The following TRPM3 variants were observed in gnomAD, a reference collection of about 807,000 sequenced individuals.
TRPM3 encodes the protein long transient receptor potential channel 3.
In TRPM3, 77 loss-of-function variants were observed where a neutral mutation model predicts 181.2. That is an observed-to-expected ratio of 0.42 (90% CI 0.35 to 0.51). TRPM3 has a LOEUF of 0.51. TRPM3 is among the 20% of genes least tolerant of loss of function. The pLI is 0.01. For synonymous variants in TRPM3, 745 were observed against 796.4 expected (o/e 0.94, Z 1.09); for missense variants, 1,759 against 2,196.7 (o/e 0.80, Z 3.98).
Position 70,781,346 on chromosome 9 carries a change from A to AAAAAAAAAAAAAAAAAAAG in TRPM3, c.1148+2758_1148+2759insCTTTTTTTTTTTTTTTTTT, listed in dbSNP as rs1564254422. Among the ~76,000 whole-genome samples, 4 of 147,514 alleles carry AAAAAAAAAAAAAAAAAAAG rather than the reference A, an allele frequency of 2.7e-5. No individual in the cohort carries two copies. In the South Asian group the frequency reaches 6.6e-4, roughly 24 times the overall value. ...TTTCATAAAAAAAAAAAAAAAAAAA[A>AAAAAAAAAAAAAAAAAAAG]AAAGAAAACATGATATTTTTGACTC... On this transcript the variant is annotated intron_variant, in intron 7 of 25. Transcript: ENST00000677713.
chr9:71,298,087 G>GC (rs2086447898), intron 1 of TRPM3, among the ~76,000 whole-genome samples: 1 of 146,000 alleles, frequency 6.8e-6, no homozygotes, highest in African/African-American at 2.5e-5. Flanking sequence ...AGTAAACTCT[G>GC]CCACCAGAAA....
At position 71,393,587 on chromosome 9, in the gene TRPM3, G is replaced by A. The variant is rs906077225; in HGVS notation, c.183+53066C>T. Among the ~76,000 whole-genome samples the A allele has an allele frequency of 2.0e-5, 3 of 152,156 alleles. No homozygotes were observed. In the South Asian group the frequency reaches 6.2e-4, roughly 32 times the overall value. On this transcript the variant is annotated intron_variant, in intron 1 of 24. Coordinates refer to the TRPM3 transcript ENST00000357533. ...TTTCCCATTGTGAACCAAGCCAGTC[G>A]TGTCTGCAAAGAGACTTGTCTCTAG...
chr9:71,358,893 T>A (rs1438641249), intron 1 of TRPM3, among the ~76,000 whole-genome samples: 6 of 152,214 alleles, frequency 3.9e-5, no homozygotes, highest in African/African-American at 1.4e-4. Flanking sequence ...GTGTAGCCTA[T>A]AATTTCCAAA....
At chr9:70,836,515 T>G (rs2094334882) in intron 5 of TRPM3, among the ~76,000 whole-genome samples, 1 of 152,216 alleles carries the variant, frequency 6.6e-6, no homozygotes, top group Admixed American at 6.5e-5. Flanking sequence ...TCCATCTTGA[T>G]GAAATGGATG....
intron 1 of TRPM3, among the ~76,000 whole-genome samples, chr9:71,101,068 G>T (rs978302714): frequency 1.3e-5 from 2 of 151,974 alleles, no homozygotes; most frequent in Non-Finnish European, 1.5e-5. Flanking sequence ...CACACCAGAT[G>T]CCCACCTGCT....
At chr9:70,543,140 T>C (rs986975044) in intron 25 of TRPM3, among the ~76,000 whole-genome samples, 1 of 152,218 alleles carries the variant, frequency 6.6e-6, no homozygotes, top group African/African-American at 2.4e-5. Context: ...TCCTAAGTCA[T>C]TTCTCTCTGC....
intron 1 of TRPM3, among the ~76,000 whole-genome samples, chr9:71,408,439 G>C (rs1355095593): frequency 6.6e-6 from 1 of 152,152 alleles, no homozygotes. Flanking sequence ...ACCATGGCAC[G>C]AGAACTACGT....
At chr9:71,178,459 CATT>C (rs1304309639) in intron 1 of TRPM3, among the ~76,000 whole-genome samples, 1 of 152,032 alleles carries the variant, frequency 6.6e-6, no homozygotes, top group Non-Finnish European at 1.5e-5. Context: ...TCAAACTCAT[CATT>C]GTTTATTATT....
At chr9:70,921,446 G>A (rs934469114) in intron 1 of TRPM3, among the ~76,000 whole-genome samples, 2 of 152,178 alleles carry the variant, frequency 1.3e-5, no homozygotes, top group Non-Finnish European at 2.9e-5. Flanking sequence ...CTACAAACTA[G>A]TGCTATTAGC....
At chr9:70,857,177 G>T (rs1258665748) in intron 3 of TRPM3, among the ~76,000 whole-genome samples, 1 of 152,122 alleles carries the variant, frequency 6.6e-6, no homozygotes, top group Non-Finnish European at 1.5e-5. Context: ...TGAGTGAACT[G>T]CAGGGTCTTC....
intron 1 of TRPM3, among the ~76,000 whole-genome samples, chr9:71,005,037 A>G (rs1259153821): frequency 6.6e-6 from 1 of 152,216 alleles, no homozygotes; most frequent in Non-Finnish European, 1.5e-5. Flanking sequence ...GAGATGAGAG[A>G]GAACAAGGCT....
rs1175217485 is a variant in TRPM3 at position 70,889,946 on chromosome 9, CTATA to C, written c.178-25439_178-25436del. On this transcript the variant is annotated intron_variant, in intron 1 of 25. Transcript: ENST00000677713. Reference sequence around the variant, plus strand: ...ATATATGTAGTATATATGCTATATACTATATATAACATACTATAAAATATAAATA... The same window carrying C: ...ATATATGTAGTATATATGCTATATACTATAACATACTATAAAATATAAATA... Among the ~76,000 whole-genome samples, 9 of 147,698 alleles carry C rather than the reference CTATA, an allele frequency of 6.1e-5. No homozygotes were observed. In the South Asian group the frequency reaches 1.7e-3, roughly 28 times the overall value.
At chr9:70,828,583 G>C (rs2093694270) in intron 5 of TRPM3, among the ~76,000 whole-genome samples, 1 of 151,782 alleles carries the variant, frequency 6.6e-6, no homozygotes, top group African/African-American at 2.4e-5. Context: ...TGTCTCATGA[G>C]ATAGATATGA....
intron 1 of TRPM3, among the ~76,000 whole-genome samples, chr9:71,104,898 A>G (rs2069169508): frequency 6.6e-6 from 1 of 152,192 alleles, no homozygotes; most frequent in Non-Finnish European, 1.5e-5. Context: ...GGAGTAGGAA[A>G]TGGTATGATC....
At chr9:70,966,120 A>G (rs1336159041) in intron 1 of TRPM3, among the ~76,000 whole-genome samples, 1 of 152,066 alleles carries the variant, frequency 6.6e-6, no homozygotes. Flanking sequence ...GACGACATAC[A>G]TGTGGCCAAC....
intron 17 of TRPM3, among the ~76,000 whole-genome samples, chr9:70,617,774 G>T (rs1028039127): frequency 6.6e-6 from 1 of 152,148 alleles, no homozygotes; most frequent in African/African-American, 2.4e-5. Flanking sequence ...AGACCAGGCT[G>T]ACCAACATGA....
chr9:70,814,638 A>T (rs572666380), intron 6 of TRPM3, among the ~76,000 whole-genome samples: 1 of 152,296 alleles, frequency 6.6e-6, no homozygotes, highest in East Asian at 1.9e-4. Flanking sequence ...GTCCTTAACC[A>T]GCCTCTCTTA....
intron 1 of TRPM3, among the ~76,000 whole-genome samples, chr9:71,381,372 C>T (rs1235587701): frequency 2.0e-5 from 3 of 152,040 alleles, no homozygotes; most frequent in Non-Finnish European, 2.9e-5. Context: ...TGGGGACCAA[C>T]TAGTCTAATG....
chr9:71,304,641 G>A (rs943704876), intron 1 of TRPM3, among the ~76,000 whole-genome samples: 5 of 152,050 alleles, frequency 3.3e-5, no homozygotes, highest in South Asian at 2.1e-4. Context: ...ACATCACCAC[G>A]CAAATGGAAA....
Sources: allele counts gnomAD v4.1 joint callset (sites outside exome capture counted in the v4.1 genomes callset), GRCh38; gene constraint gnomAD v4.1.1; transcripts MANE v1.5; gene names NCBI Gene and HGNC (gene_info 2026-07-23, HGNC 2026-07-21).